Variants in RSRC1 observed in about 807,000 individuals in gnomAD.
RSRC1 encodes the protein serine/Arginine-related protein 53.
A neutral mutation model predicts 49.1 loss-of-function variants in RSRC1; 39 were observed. The observed-to-expected ratio is 0.79, with a 90% confidence interval of 0.61 to 1.04. RSRC1 has a LOEUF of 1.04. RSRC1 is among the 50% of genes least tolerant of loss of function. The pLI, the probability that RSRC1 is intolerant of heterozygous loss-of-function variation, is 0.00. For missense variants in RSRC1, 388 were observed against 402.4 expected (o/e 0.96, Z 0.31); for synonymous variants, 143 against 130.8 (o/e 1.09, Z -0.63).
In RSRC1 at chr3:158,254,439, C is replaced by CT. The variant is rs567369900; in HGVS notation, c.495-43590dup. Among the ~76,000 whole-genome samples the CT allele has an allele frequency of 2.1e-3, 307 of 149,676 alleles. 1 individual carries two copies. The highest frequency in any genetic ancestry group is 0.017 in the South Asian group (82 of 4,716). ...CTCTCCAGCATCCATTGTTTCCTGA[C>CT]TTTTTTTTTTGAGACGGAGTCTCGC... On this transcript the variant is annotated intron_variant, in intron 4 of 9. Transcript: ENST00000611884.
chr3:158,494,019 G>A (rs987982765), intron 7 of RSRC1, among the ~76,000 whole-genome samples: 2 of 152,036 alleles, frequency 1.3e-5, no homozygotes, highest in Non-Finnish European at 2.9e-5. Flanking sequence ...GTGGAGGAGG[G>A]GGTAGTTTAA....
chr3:158,503,513 C>A (rs559716114), intron 7 of RSRC1, among the ~76,000 whole-genome samples: 4 of 152,084 alleles, frequency 2.6e-5, no homozygotes, highest in African/African-American at 9.7e-5. Flanking sequence ...CAGGTAGGGG[C>A]AGGGCTAGGC....
intron 4 of RSRC1, among the ~76,000 whole-genome samples, chr3:158,273,417 C>T (rs146613719): frequency 7.9e-4 from 120 of 152,092 alleles, no homozygotes; most frequent in Admixed American, 1.5e-3. Flanking sequence ...TTTATGGATT[C>T]AAAATGTAAG....
chr3:158,510,524 G>A (rs192028031), intron 7 of RSRC1, among the ~76,000 whole-genome samples: 55 of 151,486 alleles, frequency 3.6e-4, no homozygotes, highest in Middle Eastern at 3.4e-3. Flanking sequence ...TTTAATTTTC[G>A]TGGTATATAG....
intron 4 of RSRC1, among the ~76,000 whole-genome samples, chr3:158,273,281 G>T (rs1010560048): frequency 6.6e-6 from 1 of 151,952 alleles, no homozygotes; most frequent in East Asian, 1.9e-4. Flanking sequence ...AATGTTCAAG[G>T]TAGTAAACAT....
intron 4 of RSRC1, among the ~76,000 whole-genome samples, chr3:158,234,449 G>C (rs1723132424): frequency 6.6e-6 from 1 of 152,132 alleles, no homozygotes; most frequent in Non-Finnish European, 1.5e-5. Flanking sequence ...TTAGTCATTT[G>C]ATGATTCATG....
intron 6 of RSRC1, among the ~76,000 whole-genome samples, chr3:158,453,222 C>CCAGTGCCTGGGAGACTAG (rs1737141005): frequency 7.9e-5 from 12 of 151,744 alleles, no homozygotes; most frequent in African/African-American, 2.9e-4. Flanking sequence ...CACACATTTT[C>CCAGTGCCTGGGAGACTAG]AAACTCTTGT....
chr3:158,440,923 C>T (rs1452410442), intron 6 of RSRC1, among the ~76,000 whole-genome samples: 1 of 151,970 alleles, frequency 6.6e-6, no homozygotes, highest in African/African-American at 2.4e-5. Flanking sequence ...GCCTGGGCAA[C>T]ATGAGCAAAA....
intron 6 of RSRC1, among the ~76,000 whole-genome samples, chr3:158,444,469 A>T (rs1458860440): frequency 6.6e-6 from 1 of 152,198 alleles, no homozygotes. Flanking sequence ...AGAAGGCTGA[A>T]ACTGGATCGC....
chr3:158,428,865 C>G (rs1479507965), intron 6 of RSRC1, among the ~76,000 whole-genome samples: 1 of 151,850 alleles, frequency 6.6e-6, no homozygotes. Context: ...TCAGCTGTTG[C>G]TACTAGCGAG....
At chr3:158,387,768 T>C (rs1180010757) in intron 6 of RSRC1, among the ~76,000 whole-genome samples, 1 of 152,154 alleles carries the variant, frequency 6.6e-6, no homozygotes, top group Non-Finnish European at 1.5e-5. Context: ...CATTTTTCCT[T>C]CTTGTATCAT....
chr3:158,496,283 G>C (rs545064865), intron 7 of RSRC1, among the ~76,000 whole-genome samples: 15 of 152,250 alleles, frequency 9.9e-5, no homozygotes, highest in Admixed American at 8.5e-4. Context: ...GGATAGACTA[G>C]TGGTTTTCAA....
intron 7 of RSRC1, among the ~76,000 whole-genome samples, chr3:158,520,220 T>A (rs1711580663): frequency 6.6e-6 from 1 of 152,192 alleles, no homozygotes; most frequent in South Asian, 2.1e-4. Flanking sequence ...TGTAGCAGAA[T>A]TTCAGAGTGG....
intron 3 of RSRC1, among the ~76,000 whole-genome samples, chr3:158,183,557 A>G (rs2686542): frequency 6.6e-6 from 1 of 152,098 alleles, no homozygotes; most frequent in Non-Finnish European, 1.5e-5. Flanking sequence ...AGAAAGGACC[A>G]CTAAAAAAAG....
intron 6 of RSRC1, among the ~76,000 whole-genome samples, chr3:158,382,063 C>T (rs773549758): frequency 6.6e-6 from 1 of 151,934 alleles, no homozygotes; most frequent in African/African-American, 2.4e-5. Flanking sequence ...ATTGAACAGC[C>T]GTTAAAAACT....
chr3:158,122,816 G>A (rs1393852122), intron 2 of RSRC1, among the ~76,000 whole-genome samples: 1 of 151,494 alleles, frequency 6.6e-6, no homozygotes, highest in Non-Finnish European at 1.5e-5. Flanking sequence ...ACCTATGAAT[G>A]AGAACATGCG....
At chr3:158,373,215 AC>A (rs889500912) in intron 6 of RSRC1, among the ~76,000 whole-genome samples, 1 of 151,888 alleles carries the variant, frequency 6.6e-6, no homozygotes, top group African/African-American at 2.4e-5. Flanking sequence ...AAAACTGGAT[AC>A]CTTTCATTTC....
chr3:158,480,782 A>G (rs1738578231), intron 7 of RSRC1, among the ~76,000 whole-genome samples: 1 of 152,008 alleles, frequency 6.6e-6, no homozygotes, highest in Admixed American at 6.6e-5. Context: ...TATATTTGTG[A>G]CTGATTACAG....
intron 6 of RSRC1, among the ~76,000 whole-genome samples, chr3:158,408,053 A>C (rs1159985704): frequency 6.6e-6 from 1 of 152,244 alleles, no homozygotes; most frequent in Admixed American, 6.5e-5. Flanking sequence ...CTGTAAAATG[A>C]GGAGATTGTG....
Sources: gnomAD v4.1 joint callset for allele counts (sites outside exome capture counted in the v4.1 genomes callset) on GRCh38, gnomAD v4.1.1 for gene constraint, MANE v1.5 for transcripts, NCBI Gene and HGNC (gene_info 2026-07-23, HGNC 2026-07-21) for gene names.